Variants in LSAMP observed in about 807,000 individuals in gnomAD.
The protein encoded by LSAMP is limbic system associated membrane protein, also known as limbic system-associated membrane protein.
In LSAMP, 7 loss-of-function variants were observed where a neutral mutation model predicts 38.6. The observed-to-expected ratio is 0.18, with a 90% CI of 0.10 to 0.34. The LOEUF (loss-of-function observed/expected upper bound fraction) is 0.34, where lower values mean the gene tolerates loss of function less well. Among genes scored for constraint, LSAMP ranks in the 10% least tolerant of loss-of-function variants. LSAMP has a pLI of 1.00. For synonymous variants in LSAMP, 154 were observed against 166.8 expected, an observed-to-expected ratio of 0.92 and a Z score of 0.59; for missense variants, 313 against 420.0, an observed-to-expected ratio of 0.75 and a Z score of 2.23.
intron 1 of LSAMP, among the ~76,000 whole-genome samples, chr3:116,184,912 C>T (rs1024776657): frequency 6.6e-6 from 1 of 151,772 alleles, no homozygotes; most frequent in Non-Finnish European, 1.5e-5. Context: ...TTCCTTTCAC[C>T]ATTCCATGAT....
At chr3:115,883,260 A>G (rs1936368272) in intron 3 of LSAMP, among the ~76,000 whole-genome samples, 1 of 152,086 alleles carries the variant, frequency 6.6e-6, no homozygotes, top group African/African-American at 2.4e-5. Flanking sequence ...GGGTTAGAGA[A>G]CAGGGAAGTG....
intron 1 of LSAMP, among the ~76,000 whole-genome samples, chr3:116,176,761 G>C (rs1441882655): frequency 6.6e-6 from 1 of 152,096 alleles, no homozygotes; most frequent in Non-Finnish European, 1.5e-5. Context: ...AGGGGAAGTG[G>C]TGTGATTATC....
At chr3:116,047,521 A>G (rs1014950312) in intron 2 of LSAMP, among the ~76,000 whole-genome samples, 4 of 151,666 alleles carry the variant, frequency 2.6e-5, no homozygotes, top group African/African-American at 9.7e-5. Context: ...CTTTTTCTCT[A>G]TTTAAAACAG....
chr3:115,992,590 TA>T (rs1192815838), intron 3 of LSAMP, among the ~76,000 whole-genome samples: 1 of 152,020 alleles, frequency 6.6e-6, no homozygotes, highest in African/African-American at 2.4e-5. Context: ...AACATAAAAG[TA>T]AGATTCATTA....
At chr3:116,083,042 C>T (rs968178325) in intron 2 of LSAMP, among the ~76,000 whole-genome samples, 3 of 151,988 alleles carry the variant, frequency 2.0e-5, no homozygotes, top group Non-Finnish European at 4.4e-5. Context: ...AAAAGAAGCT[C>T]TCTAGAATCC....
At chr3:116,427,046 C>T (rs1042358852) in intron 1 of LSAMP, among the ~76,000 whole-genome samples, 1 of 151,326 alleles carries the variant, frequency 6.6e-6, no homozygotes, top group South Asian at 2.1e-4. Flanking sequence ...TCTCTATCTT[C>T]GTTCATTCAT....
chr3:115,929,369 A>G (rs2107536686), intron 3 of LSAMP, among the ~76,000 whole-genome samples: 1 of 152,294 alleles, frequency 6.6e-6, no homozygotes, highest in Non-Finnish European at 1.5e-5. Flanking sequence ...AGAAGGTCAC[A>G]TGGAATTCTA....
intron 1 of LSAMP, among the ~76,000 whole-genome samples, chr3:116,168,557 C>G (rs1368530090): frequency 6.6e-6 from 1 of 152,118 alleles, no homozygotes; most frequent in Non-Finnish European, 1.5e-5. Context: ...AAGGCATTTC[C>G]TTCTGCTTTT....
intron 1 of LSAMP, among the ~76,000 whole-genome samples, chr3:116,258,507 T>C (rs2046785603): frequency 6.6e-6 from 1 of 151,916 alleles, no homozygotes; most frequent in African/African-American, 2.4e-5. Context: ...TTTCTAAGCT[T>C]TTTTAAAATT....
At chr3:115,835,890 G>T (rs1017337354) in intron 6 of LSAMP, among the ~76,000 whole-genome samples, 5 of 152,168 alleles carry the variant, frequency 3.3e-5, no homozygotes, top group Non-Finnish European at 7.4e-5. Flanking sequence ...TAGAAAAATG[G>T]TTTAAGCCTC....
intron 3 of LSAMP, among the ~76,000 whole-genome samples, chr3:115,953,745 C>A (rs191559634): frequency 6.6e-6 from 1 of 152,224 alleles, no homozygotes; most frequent in African/African-American, 2.4e-5. Flanking sequence ...CTTCTGCCTA[C>A]TTCTCCAAAG....
intron 1 of LSAMP, among the ~76,000 whole-genome samples, chr3:116,130,010 A>G (rs1246276106): frequency 2.0e-5 from 3 of 152,240 alleles, no homozygotes; most frequent in Non-Finnish European, 2.9e-5. Context: ...CTTTTATTGC[A>G]GAATCCAAAC....
At position 116,206,662 on chromosome 3, in the gene LSAMP, T is replaced by C. The variant is rs866180553; in HGVS notation, c.156-120106A>G. Among the ~76,000 whole-genome samples the C allele has an allele frequency of 5.1e-3, 779 of 151,814 alleles. 3 individuals are homozygous for C. The highest frequency in any genetic ancestry group is 7.8e-3 in the Non-Finnish European group (527 of 67,962). On this transcript the variant is annotated intron_variant, in intron 1 of 6. Coordinates refer to ENST00000490035, the MANE Select transcript of LSAMP (RefSeq NM_002338.5). ...ATTTCTGCCTTCATTTCGTTATGTA[T>C]CCAGTAGTCATTCAGGAGCAGGTTG... is the stretch of plus-strand genomic sequence containing the variant.
At chr3:115,958,800 G>A (rs1031387965) in intron 3 of LSAMP, among the ~76,000 whole-genome samples, 2 of 152,066 alleles carry the variant, frequency 1.3e-5, no homozygotes, top group Non-Finnish European at 2.9e-5. Flanking sequence ...GATTCAGCAA[G>A]TGAAGCGTTA....
intron 3 of LSAMP, among the ~76,000 whole-genome samples, chr3:115,998,759 T>A (rs574464254): frequency 6.6e-6 from 1 of 152,148 alleles, no homozygotes; most frequent in South Asian, 2.1e-4. Context: ...CTATATAAGG[T>A]CACACAGACA....
intron 6 of LSAMP, among the ~76,000 whole-genome samples, chr3:115,818,822 A>ATATATATATAT (rs55828725): frequency 5.2e-4 from 65 of 125,080 alleles, no homozygotes; most frequent in East Asian, 1.1e-3. Context: ...ATATATATAT[A>ATATATATATAT]ACTGCAGCAA....
chr3:116,142,790 A>G (rs923642321), intron 1 of LSAMP, among the ~76,000 whole-genome samples: 2 of 151,928 alleles, frequency 1.3e-5, no homozygotes, highest in Non-Finnish European at 2.9e-5. Flanking sequence ...TCATCTGAAT[A>G]ACAACAAATT....
At chr3:116,341,589 A>G (rs1301575612) in intron 1 of LSAMP, among the ~76,000 whole-genome samples, 2 of 152,078 alleles carry the variant, frequency 1.3e-5, no homozygotes, top group East Asian at 3.9e-4. Context: ...TTCAATGGAC[A>G]GGAGAAACCT....
intron 1 of LSAMP, among the ~76,000 whole-genome samples, chr3:116,355,746 T>A (rs2048214465): frequency 6.6e-6 from 1 of 151,816 alleles, no homozygotes; most frequent in Non-Finnish European, 1.5e-5. Context: ...CAGGAAAAAA[T>A]CTAATAATAA....
Sources: allele counts gnomAD v4.1 joint callset (sites outside exome capture counted in the v4.1 genomes callset), GRCh38; gene constraint gnomAD v4.1.1; transcripts MANE v1.5; gene names NCBI Gene and HGNC (gene_info 2026-07-23, HGNC 2026-07-21).